The following GAD2 variants were observed in gnomAD, a reference collection of about 807,000 sequenced individuals.
The protein encoded by GAD2 is glutamate decarboxylase 2.
A neutral mutation model predicts 80.1 loss-of-function variants in GAD2; 22 were observed. The observed-to-expected ratio is 0.27, with a 90% confidence interval of 0.20 to 0.39. The LOEUF is 0.39. Among genes scored for constraint, GAD2 ranks in the 10% least tolerant of loss-of-function variants. The pLI is 1.00. For synonymous variants in GAD2, 274 were observed against 256.9 expected, an observed-to-expected ratio of 1.07 and a Z score of -0.64; for missense variants, 624 against 738.4, an observed-to-expected ratio of 0.85 and a Z score of 1.80.
At chr10:26,265,329 G>A (rs542227548) in intron 8 of GAD2, among the ~76,000 whole-genome samples, 6 of 151,394 alleles carry the variant, frequency 4.0e-5, no homozygotes, top group East Asian at 2.0e-4. Flanking sequence ...TCAGCCACCC[G>A]AAGTAGCTGG....
chr10:26,254,226 G>A (rs1342973668), intron 8 of GAD2, among the ~76,000 whole-genome samples: 1 of 152,056 alleles, frequency 6.6e-6, no homozygotes, highest in African/African-American at 2.4e-5. Flanking sequence ...TAGTGGAGAT[G>A]GGGTTTCACC....
intron 6 of GAD2, among the ~76,000 whole-genome samples, chr10:26,228,480 T>C (rs1219739058): frequency 6.6e-6 from 1 of 152,190 alleles, no homozygotes; most frequent in African/African-American, 2.4e-5. Context: ...AGGGAATGAA[T>C]AGATGAGTAT....
At position 26,217,747 on chromosome 10, in the gene GAD2, G is replaced by A; in HGVS notation, c.136+78G>A. 6.3e-7 allele frequency: 1 copy of A among 1,587,496 alleles called. No individual in the cohort carries two copies. The highest frequency in any genetic ancestry group is 1.3e-5 in the African/African-American group (1 of 74,548). ...TCTTCTCACCTCCGCATCCCAGTCA[G>A]CGGAGTCGGGGTTTCCTGGCTGCGG... On this transcript the variant is annotated intron_variant, in intron 2 of 15. Coordinates refer to ENST00000376261, the MANE Select transcript of GAD2 (RefSeq NM_001134366.2). This position sits in a 1 kb window ranked among gnomAD's most constrained non-coding sequence, Gnocchi z 4.9.
intron 13 of GAD2, among the ~76,000 whole-genome samples, chr10:26,286,831 A>C (rs554822713): frequency 1.6e-4 from 24 of 152,290 alleles, no homozygotes; most frequent in African/African-American, 5.8e-4. Flanking sequence ...CCAGTGATTG[A>C]TCACCTGGGT....
chr10:26,231,045 G>A (rs1442935693), intron 7 of GAD2, among the ~76,000 whole-genome samples: 9 of 152,056 alleles, frequency 5.9e-5, no homozygotes, highest in African/African-American at 2.4e-5. Context: ...AGAAGAGATC[G>A]CATCACTGCA....
chr10:26,240,945 G>T (rs976567159), intron 7 of GAD2, among the ~76,000 whole-genome samples: 65 of 152,042 alleles, frequency 4.3e-4, no homozygotes, highest in Middle Eastern at 6.8e-3. Flanking sequence ...CGGAGGCTGA[G>T]GCAGAAGAAT....
At chr10:26,286,626 C>T (rs926180069) in intron 13 of GAD2, 132 bp downstream of exon 13, 4 of 807,154 alleles carry the variant, frequency 5.0e-6, no homozygotes, top group South Asian at 2.2e-5. Flanking sequence ...TTTAAACTTG[C>T]GTCTAAATAC....
chr10:26,285,501 G>A (rs964658105), intron 12 of GAD2, among the ~76,000 whole-genome samples: 3 of 152,212 alleles, frequency 2.0e-5, no homozygotes, highest in African/African-American at 7.2e-5. Context: ...GGGGTTTTTA[G>A]TGAAGAGACT....
chr10:26,295,791 T>C (rs562308798), intron 15 of GAD2, among the ~76,000 whole-genome samples: 2 of 152,296 alleles, frequency 1.3e-5, no homozygotes, highest in South Asian at 2.1e-4. Context: ...TCCAGGCCGA[T>C]ATAGACTCAA....
At chr10:26,278,901 C>A (rs1292861862) in intron 11 of GAD2, among the ~76,000 whole-genome samples, 1 of 151,868 alleles carries the variant, frequency 6.6e-6, no homozygotes, top group Admixed American at 6.6e-5. Context: ...TGAATCGGGT[C>A]TTTCCCAGCT....
At chr10:26,221,704 C>T (rs937470996) in intron 4 of GAD2, among the ~76,000 whole-genome samples, 4 of 152,210 alleles carry the variant, frequency 2.6e-5, no homozygotes, top group African/African-American at 7.2e-5. Context: ...CGCATCCTTC[C>T]GGGCTCATTT....
intron 13 of GAD2, among the ~76,000 whole-genome samples, chr10:26,292,009 T>G (rs1172321404): frequency 6.6e-6 from 1 of 152,156 alleles, no homozygotes; most frequent in African/African-American, 2.4e-5. Context: ...TTTTTCTGTA[T>G]CAGGTACACT....
intron 7 of GAD2, among the ~76,000 whole-genome samples, chr10:26,240,719 G>A (rs1446602197): frequency 6.8e-6 from 1 of 146,428 alleles, no homozygotes; most frequent in African/African-American, 2.6e-5. Context: ...GCAACAGAGT[G>A]AGACTCCATC....
In GAD2 at chr10:26,300,820, G is replaced by A. The variant is rs531221665; in HGVS notation, c.1617G>A (p.Glu539=). Residue 539 remains glutamate (E), a synonymous_variant, in exon 16 of 16, where the codon GAG becomes GAA. Coordinates refer to ENST00000376261, the MANE Select transcript of GAD2 (RefSeq NM_001134366.2). ...VAPVIKARMM[E]YGTTMVSYQP... ...CAGTGATTAAAGCCAGAATGATGGA[G>A]TATGGAACCACAATGGTCAGCTACC... The A allele has an allele frequency of 2.4e-5, 38 of 1,613,808 alleles. 1 individual carries two copies. The South Asian group carries it at 3.8e-4, about 16-fold the overall frequency.
At chr10:26,262,823 T>G (rs1380060104) in intron 8 of GAD2, among the ~76,000 whole-genome samples, 1 of 152,024 alleles carries the variant, frequency 6.6e-6, no homozygotes. Context: ...TTTTCTTACA[T>G]GATAACTTGA....
At chr10:26,245,804 C>T in intron 7 of GAD2, 117 bp from the exon 8 acceptor site, 1 of 787,420 alleles carries the variant, frequency 1.3e-6, no homozygotes. Context: ...GCAGCCCAGG[C>T]TTTGGAGGAA....
chr10:26,244,409 G>A (rs752925866), intron 7 of GAD2, among the ~76,000 whole-genome samples: 22 of 152,210 alleles, frequency 1.4e-4, no homozygotes, highest in Non-Finnish European at 2.5e-4. Flanking sequence ...TGAAAGCAGA[G>A]TCTTGAAGAG....
Position 26,245,954 on chromosome 10 carries a change from T to G in GAD2, c.874T>G (p.Leu292Val). 1.9e-6 allele frequency: 3 copies of G among 1,614,088 alleles called. No homozygotes were observed. Among genetic ancestry groups the G allele is most frequent in the Non-Finnish European group, 2.5e-6 (3 of 1,179,934 alleles). The change falls in exon 8 of 16, where the codon TTA (leucine) becomes GTA (valine). Residue 292 changes from leucine (L) to valine (V), a missense_variant. Coordinates refer to ENST00000376261, the MANE Select transcript of GAD2 (RefSeq NM_001134366.2). ...HFSLKKGAAA[L>V]GIGTDSVILI... ...TTCTCTCAAGAAGGGAGCTGCAGCC[T>G]TAGGGATTGGAACAGACAGCGTGAT...
intron 6 of GAD2, among the ~76,000 whole-genome samples, chr10:26,228,624 C>T (rs1485889662): frequency 1.3e-5 from 2 of 152,280 alleles, no homozygotes; most frequent in Admixed American, 6.5e-5. Context: ...GCGAGCATTA[C>T]CGCCTTAGCT....
Sources: gnomAD v4.1 joint callset for allele counts (sites outside exome capture counted in the v4.1 genomes callset) on GRCh38, gnomAD v4.1.1 for gene constraint, Gnocchi (gnomAD v3.1) non-coding constraint, MANE v1.5 for transcripts, NCBI Gene and HGNC (gene_info 2026-07-23, HGNC 2026-07-21) for gene names.